PDK1: variants seen among roughly 807,000 people sequenced by gnomAD.
The protein encoded by PDK1 is pyruvate dehydrogenase kinase 1, also known as [Pyruvate dehydrogenase (acetyl-transferring)] kinase isozyme 1, mitochondrial.
In PDK1, 39 loss-of-function variants were observed where a neutral mutation model predicts 54.2. The ratio of observed to expected loss-of-function variants is 0.72; its 90% confidence interval spans 0.56 to 0.94. The LOEUF (loss-of-function observed/expected upper bound fraction) is 0.94, where lower values mean the gene tolerates loss of function less well. Among genes scored for constraint, PDK1 ranks in the 40% least tolerant of loss-of-function variants. The pLI is 0.00. For missense variants in PDK1, 552 were observed against 566.0 expected, an observed-to-expected ratio of 0.98 and a Z score of 0.25; for synonymous variants, 221 against 207.1, an observed-to-expected ratio of 1.07 and a Z score of -0.58.
At chr2:172,722,583 G>A in the PDK1 span, among the ~76,000 whole-genome samples, 4 of 152,206 alleles carry the variant, frequency 2.6e-5, no homozygotes, top group African/African-American at 9.6e-5. Flanking sequence ...GCTGCTTGTA[G>A]TGCTGTGTTG....
chr2:172,595,646 T>C (rs1690849549), intron 10 of PDK1, among the ~76,000 whole-genome samples, 183 bp from the exon 11 acceptor site: 1 of 152,178 alleles, frequency 6.6e-6, no homozygotes, highest in Admixed American at 6.5e-5. Context: ...GCCATAGATT[T>C]CATAAATAAC....
the PDK1 span, among the ~76,000 whole-genome samples, chr2:172,715,519 A>T: frequency 1.3e-5 from 2 of 152,228 alleles, no homozygotes; most frequent in Non-Finnish European, 2.9e-5. Flanking sequence ...GCCCAGCGAC[A>T]CAAAGCCTGC....
chr2:172,668,362 T>A, the PDK1 span, among the ~76,000 whole-genome samples: 3 of 151,892 alleles, frequency 2.0e-5, no homozygotes, highest in Non-Finnish European at 1.5e-5. Context: ...TTCCCACTTA[T>A]ATCTCTACTT....
At chr2:172,623,640 T>C in the PDK1 span, among the ~76,000 whole-genome samples, 3 of 152,296 alleles carry the variant, frequency 2.0e-5, no homozygotes, top group South Asian at 6.2e-4. Context: ...TCCCTTGTGA[T>C]TGAAGGCAGA....
rs1401722050 is a variant in PDK1, at chr2:172,558,750, G to T, written c.239G>T (p.Arg80Leu). ...GAAAAGACCTCATTTATGTTTCTGC[G>T]GCAAGAGTTGCCTGTCAGACTGGCA... ...ACEKTSFMFL[R>L]QELPVRLANI... is the part of the protein sequence containing the mutation. Residue 80 changes from arginine (R) to leucine (L), a missense_variant, in exon 2 of 11, where the codon CGG becomes CTG. Physicochemically the swap from Arg to Leu is moderately radical, Grantham distance 102. Coordinates refer to ENST00000282077, the MANE Select transcript of PDK1 (RefSeq NM_002610.5). The T allele has an allele frequency of 6.2e-7, 1 of 1,610,014 alleles. No homozygotes were observed. Among genetic ancestry groups the T allele is most frequent in the Non-Finnish European group, 8.5e-7 (1 of 1,178,816 alleles).
the PDK1 span, among the ~76,000 whole-genome samples, chr2:172,687,212 C>G: frequency 2.0e-5 from 3 of 151,924 alleles, no homozygotes; most frequent in Non-Finnish European, 4.4e-5. Flanking sequence ...GGAATCAGGC[C>G]AATTACTAAT....
At chr2:172,619,218 T>C in the PDK1 span, among the ~76,000 whole-genome samples, 28 of 152,296 alleles carry the variant, frequency 1.8e-4, no homozygotes, top group African/African-American at 6.7e-4. Context: ...GGATACATCA[T>C]GTGGACATTT....
the PDK1 span, among the ~76,000 whole-genome samples, chr2:172,719,003 A>G: frequency 1.1e-4 from 17 of 152,206 alleles, no homozygotes; most frequent in Non-Finnish European, 1.0e-4. Flanking sequence ...CCCAGTTCTT[A>G]GCAAGCTCTG....
the PDK1 span, among the ~76,000 whole-genome samples, chr2:172,635,652 T>C: frequency 6.6e-6 from 1 of 152,226 alleles, no homozygotes; most frequent in Non-Finnish European, 1.5e-5. Flanking sequence ...CTTGATGCTC[T>C]GGCATTTGGG....
At chr2:172,659,110 T>C in the PDK1 span, among the ~76,000 whole-genome samples, 4 of 152,154 alleles carry the variant, frequency 2.6e-5, no homozygotes, top group Non-Finnish European at 5.9e-5. Flanking sequence ...GTTTTGTGGC[T>C]CAGGTGGGCA....
intron 9 of PDK1, among the ~76,000 whole-genome samples, chr2:172,590,177 G>A (rs1276106211): frequency 6.6e-6 from 1 of 152,190 alleles, no homozygotes; most frequent in Non-Finnish European, 1.5e-5. Flanking sequence ...ATGATATTAA[G>A]TCATGAGATA....
At chr2:172,695,323 A>G in the PDK1 span, among the ~76,000 whole-genome samples, 1 of 152,184 alleles carries the variant, frequency 6.6e-6, no homozygotes, top group Non-Finnish European at 1.5e-5. Flanking sequence ...AGAGCGAGAC[A>G]GAAGACTTAA....
At chr2:172,676,708 G>C in the PDK1 span, among the ~76,000 whole-genome samples, 9,577 of 152,274 alleles carry the variant, frequency 0.063, 1,027 homozygotes, top group East Asian at 0.53. Context: ...ATTACATAAA[G>C]TTAGTTGATA....
the PDK1 span, among the ~76,000 whole-genome samples, chr2:172,667,795 A>G: frequency 6.6e-6 from 1 of 152,212 alleles, no homozygotes; most frequent in Non-Finnish European, 1.5e-5. Context: ...GCTCTCTGCC[A>G]TGTGGGTCCT....
At chr2:172,626,441 C>T in the PDK1 span, among the ~76,000 whole-genome samples, 2 of 152,222 alleles carry the variant, frequency 1.3e-5, no homozygotes, top group East Asian at 1.9e-4. Context: ...CTGTTCTTGT[C>T]TCTGTAGTTT....
At chr2:172,556,004 G>A (rs1574451373), upstream of PDK1, 2 of 507,032 alleles carry the variant, frequency 3.9e-6, no homozygotes, top group East Asian at 3.6e-5. Flanking sequence ...AGCGGCGCAG[G>A]GGGCCGGGCT....
the PDK1 span, among the ~76,000 whole-genome samples, chr2:172,690,817 C>T: frequency 1.5e-5 from 2 of 132,252 alleles, no homozygotes; most frequent in Non-Finnish European, 3.1e-5. Flanking sequence ...CACTTGGACA[C>T]AGGGTGGGGA....
chr2:172,570,845 G>A, intron 8 of PDK1, 21 bp downstream of exon 8: 1 of 1,255,940 alleles, frequency 8.0e-7, no homozygotes, highest in Non-Finnish European at 1.1e-6. Context: ...TTAATGGTTT[G>A]TTTTCTTTTT....
At chr2:172,555,882 C>T (rs974861513), upstream of PDK1, 5 of 323,330 alleles carry the variant, frequency 1.5e-5, no homozygotes, top group Non-Finnish European at 2.8e-5. Context: ...GCCTGGCGCG[C>T]GCTCCGCATC....
Sources: gnomAD v4.1 joint callset for allele counts (sites outside exome capture counted in the v4.1 genomes callset) on GRCh38, gnomAD v4.1.1 for gene constraint, MANE v1.5 for transcripts, NCBI Gene and HGNC (gene_info 2026-07-23, HGNC 2026-07-21) for gene names.